Variants in PLEKHH2 observed in about 807,000 individuals in gnomAD.
The protein encoded by PLEKHH2 is pleckstrin homology, MyTH4 and FERM domain containing H2.
Under a neutral mutation model 187.9 loss-of-function variants are expected in PLEKHH2, and 129 were observed. The ratio of observed to expected loss-of-function variants is 0.69; its 90% CI spans 0.59 to 0.79. PLEKHH2 has a LOEUF of 0.79. Among genes scored for constraint, PLEKHH2 ranks in the 30% least tolerant of loss-of-function variants. PLEKHH2 has a pLI of 0.00. For missense variants in PLEKHH2, 2,076 were observed against 1,751.2 expected (o/e 1.19, Z -3.31); for synonymous variants, 686 against 605.6 (o/e 1.13, Z -1.95).
At chr2:43,707,355 G>T in intron 10 of PLEKHH2, 46 bp from the exon 11 acceptor site, 1 of 1,605,236 alleles carries the variant, frequency 6.2e-7, no homozygotes, top group Non-Finnish European at 8.5e-7. Context: ...TGGATGAGTG[G>T]TAACATTAGG....
chr2:43,738,089 C>G (rs1476111888), intron 19 of PLEKHH2, among the ~76,000 whole-genome samples: 1 of 152,174 alleles, frequency 6.6e-6, no homozygotes, highest in African/African-American at 2.4e-5. Context: ...ATTGTTATGT[C>G]TTCTAGATGA....
intron 2 of PLEKHH2, among the ~76,000 whole-genome samples, chr2:43,647,127 G>T (rs1014055055): frequency 6.6e-6 from 1 of 151,990 alleles, no homozygotes; most frequent in African/African-American, 2.4e-5. Context: ...TATAGGTATG[G>T]TATGATTTAT....
intron 3 of PLEKHH2, chr2:43,680,360 T>C (rs1343125007): frequency 8.1e-6 from 1 of 123,860 alleles, no homozygotes; most frequent in African/African-American, 2.8e-5. Context: ...ACACATTGTA[T>C]ACACACATGG....
At position 43,731,606 on chromosome 2, in the gene PLEKHH2, A is replaced by C. The variant is rs1480839917; in HGVS notation, c.2943+4A>C. 2 of 1,489,982 alleles carry C rather than the reference A, an allele frequency of 1.3e-6. No homozygotes were observed. 92.3% of individuals were successfully genotyped at this position (1,489,982 alleles called of 1,614,324 possible). A position where few individuals can be genotyped will look rare whatever the true frequency, so the allele number is the denominator to read the frequency against. On this transcript the variant is annotated splice_donor_region_variant and intron_variant, in intron 19 of 29. Transcript: ENST00000282406. The stretch of plus-strand genomic sequence containing the variant: ...AGAAGCTATTAAATTATTTAAGGTA[A>C]AATATTTATATGTTGTTAAATGATT...
At position 43,710,584 on chromosome 2, in the gene PLEKHH2, CTTTT is replaced by C. The variant is rs376851824; in HGVS notation, c.2301+30_2301+33del. 4,180 of 1,232,232 alleles carry C rather than the reference CTTTT, an allele frequency of 3.4e-3. 1 individual carries two copies. The highest frequency in any genetic ancestry group is 9.9e-3 in the African/African-American group (530 of 53,410). 76.3% of individuals were successfully genotyped at this position (1,232,232 alleles called of 1,614,324 possible). On this transcript the variant is annotated intron_variant, in intron 14 of 29. Transcript: ENST00000282406. The stretch of plus-strand genomic sequence containing the variant: ...ACAAACAAACAGTTCAGGTACTTAA[CTTTT>C]TTTTTTTTTTTTTTTTTTTTGTATC...
chr2:43,695,867 A>G (rs759227836), intron 6 of PLEKHH2, among the ~76,000 whole-genome samples: 7 of 152,288 alleles, frequency 4.6e-5, no homozygotes, highest in Non-Finnish European at 1.0e-4. Flanking sequence ...AACACTTTGG[A>G]GGAGGTTTCT....
intron 27 of PLEKHH2, 54 bp from the exon 28 acceptor site, chr2:43,762,250 T>C: frequency 7.7e-7 from 1 of 1,300,070 alleles, no homozygotes; most frequent in South Asian, 1.2e-5. Flanking sequence ...CTGAAAAATA[T>C]TCCTGTAATT....
rs778120663 is a variant in PLEKHH2, at chr2:43,726,408, A to G, written c.2678A>G (p.Asp893Gly). The change falls in exon 17 of 30, where the codon GAC becomes GGC. Residue 893 changes from aspartate (D) to glycine (G), a missense_variant. Transcript: ENST00000282406. ...THYTIVIHPK[D>G]QGPTYLLIGS... ...TATACTATCGTTATCCATCCCAAAG[A>G]CCAAGGTCCAACTTACCTCCTAATT... 21 of 1,612,148 alleles carry G rather than the reference A, an allele frequency of 1.3e-5. No homozygotes were observed. In the East Asian group the frequency reaches 4.7e-4, roughly 36 times the overall value.
Position 43,731,535 on chromosome 2 carries a change from G to A in PLEKHH2, c.2876G>A (p.Gly959Glu). ...RHPTLCHSKE[G>E]IISPLTTLPS... is the part of the protein sequence containing the mutation. ...CCCACTTTGTGTCACAGTAAAGAAGGAATCATTTCCCCTCTGACAACTCTA... is the reference window on the plus strand; with the variant it reads ...CCCACTTTGTGTCACAGTAAAGAAGAAATCATTTCCCCTCTGACAACTCTA... The change falls in exon 19 of 30, where the codon GGA becomes GAA. Residue 959 changes from glycine to glutamate, a missense_variant. By Grantham distance (98) the Gly-to-Glu change is moderately conservative. Transcript: ENST00000282406. The A allele has an allele frequency of 1.2e-6, 2 of 1,607,082 alleles. No homozygotes were observed. The highest frequency in any genetic ancestry group is 1.7e-6 in the Non-Finnish European group (2 of 1,174,118).
chr2:43,678,112 G>C (rs193086070), intron 2 of PLEKHH2, among the ~76,000 whole-genome samples: 6 of 151,430 alleles, frequency 4.0e-5, no homozygotes, highest in African/African-American at 7.3e-5. Context: ...ATTCCAGACC[G>C]GGCGGCGGGG....
chr2:43,678,710 G>T (rs995401250), intron 2 of PLEKHH2, among the ~76,000 whole-genome samples, 153 bp from the exon 3 acceptor site: 8 of 151,906 alleles, frequency 5.3e-5, no homozygotes, highest in Non-Finnish European at 8.8e-5. Context: ...GAAAGAGAGG[G>T]AGAGGGAGAC....
chr2:43,735,483 TAAG>T (rs1468810799), intron 19 of PLEKHH2, among the ~76,000 whole-genome samples: 1 of 152,106 alleles, frequency 6.6e-6, no homozygotes, highest in Non-Finnish European at 1.5e-5. Context: ...TACATTTATT[TAAG>T]AAGAATAAGT....
rs1671526438 is a variant in PLEKHH2 at position 43,740,760 on chromosome 2, G to T, written c.3124-186G>T. On this transcript the variant is annotated intron_variant, in intron 20 of 29. Transcript: ENST00000282406. Reference sequence around the variant, plus strand: ...CATACACACAACTAGATGGATCATAGATCTGACCCAATGTAGAGTTTTTTG... The same window carrying T: ...CATACACACAACTAGATGGATCATATATCTGACCCAATGTAGAGTTTTTTG... 3.6e-6 allele frequency: 4 copies of T among 1,096,724 alleles called. No homozygotes were observed. In the South Asian group the frequency reaches 1.2e-4, roughly 33 times the overall value. 67.9% of individuals were successfully genotyped at this position (1,096,724 alleles called of 1,614,324 possible).
intron 1 of PLEKHH2, among the ~76,000 whole-genome samples, chr2:43,637,870 G>C (rs1703188895): frequency 1.3e-5 from 2 of 152,198 alleles, no homozygotes; most frequent in Non-Finnish European, 2.9e-5. Context: ...CGAGTTGCTG[G>C]CACGTCAAAG....
At chr2:43,707,311 T>C in intron 10 of PLEKHH2, 90 bp from the exon 11 acceptor site, 6 of 1,490,190 alleles carry the variant, frequency 4.0e-6, no homozygotes, top group East Asian at 2.3e-5. Context: ...TGCTTTTCTT[T>C]AGGAGGCGAC....
At position 43,697,298 on chromosome 2, in the gene PLEKHH2, G is replaced by A. The variant is rs770630993; in HGVS notation, c.630G>A (p.Glu210=). The change falls in exon 7 of 30, where the codon GAG becomes GAA. Residue 210 remains glutamate (E), a synonymous_variant. Coordinates refer to ENST00000282406, the MANE Select transcript of PLEKHH2 (RefSeq NM_172069.4). ...ARSPPQVVKS[E]EMSKISSKEP... is the part of the protein sequence containing the mutation. ...GTCCTCCTCAAGTAGTAAAATCTGA[G>A]GAAATGAGCAAGATATCATCGAAAG... 6 of 1,613,538 alleles carry A rather than the reference G, an allele frequency of 3.7e-6. No homozygotes were observed. Among genetic ancestry groups the A allele is most frequent in the Non-Finnish European group, 4.2e-6 (5 of 1,179,802 alleles).
intron 24 of PLEKHH2, among the ~76,000 whole-genome samples, chr2:43,746,223 G>A (rs569199351): frequency 6.6e-6 from 1 of 152,326 alleles, no homozygotes; most frequent in South Asian, 2.1e-4. Flanking sequence ...CTAGGTCTCA[G>A]CTGAGCACGG....
intron 8 of PLEKHH2, among the ~76,000 whole-genome samples, chr2:43,702,527 C>CTTTTTTTTTTTTTTTTTTTTTTTTT (rs1167078689): frequency 1.0e-4 from 6 of 57,396 alleles, no homozygotes; most frequent in African/African-American, 1.9e-4. Flanking sequence ...CATTCTACTA[C>CTTTTTTTTTTTTTTTTTTTTTTTTT]TTTTTTTTTT....
chr2:43,710,154 G>T (rs984586764), intron 12 of PLEKHH2, 28 bp downstream of exon 12: 1 of 1,609,672 alleles, frequency 6.2e-7, no homozygotes, highest in Non-Finnish European at 8.5e-7. Flanking sequence ...TTTTTAAAAA[G>T]CAGTCAGTCA....
Sources: allele counts gnomAD v4.1 joint callset (sites outside exome capture counted in the v4.1 genomes callset), GRCh38; gene constraint gnomAD v4.1.1; transcripts MANE v1.5; gene names NCBI Gene and HGNC (gene_info 2026-07-23, HGNC 2026-07-21).